LPA: variants seen among roughly 807,000 people sequenced by gnomAD.
LPA encodes lipoprotein(a), also known as apolipoprotein(a).
LPA carries 199 observed loss-of-function variants against 197.9 expected under a neutral mutation model. That is an observed-to-expected ratio of 1.01 (90% CI 0.90 to 1.13). The LOEUF is 1.13. Ranked by LOEUF, LPA falls within the 50% of genes most tolerant of loss-of-function variation. The probability of loss-of-function intolerance (pLI) is 0.00; values close to 1 mark genes in which losing one functional copy is unlikely to be tolerated. For missense variants in LPA, 1,853 were observed against 1,785.8 expected, an observed-to-expected ratio of 1.04 and a Z score of -0.68; for synonymous variants, 715 against 639.5, an observed-to-expected ratio of 1.12 and a Z score of -1.78.
intron 22 of LPA, among the ~76,000 whole-genome samples, chr6:160,593,312 C>G (rs917891238): frequency 2.6e-5 from 4 of 152,188 alleles, no homozygotes; most frequent in African/African-American, 9.6e-5. Context: ...TATGAAAACA[C>G]TTTTCCTATG....
intron 28 of LPA, among the ~76,000 whole-genome samples, chr6:160,571,186 G>T (rs1407172724): frequency 2.0e-5 from 3 of 152,134 alleles, no homozygotes; most frequent in African/African-American, 7.2e-5. Context: ...TATGTGTCAT[G>T]AAGTTCTCGT....
At chr6:160,610,658 C>A (rs1224711204) in intron 16 of LPA, among the ~76,000 whole-genome samples, 1 of 152,298 alleles carries the variant, frequency 6.6e-6, no homozygotes, top group South Asian at 2.1e-4. Flanking sequence ...CCTCCACAAA[C>A]CAGTTCTTAT....
Position 160,578,617 on chromosome 6 carries a change from G to A in LPA, c.4377C>T (p.Tyr1459=). Residue 1459 remains tyrosine (Y), a synonymous_variant, in exon 27 of 39, where the codon TAC becomes TAT. Transcript: ENST00000316300. The part of the protein sequence containing the change: ...YTMDPSVRWE[Y]CNLTRCPVTE... Reference sequence around the variant, plus strand: ...TCACTGGACATCGTGTCAGGTTGCAGTACTCCCACCTGACACTGGGATCCA... The same window carrying A: ...TCACTGGACATCGTGTCAGGTTGCAATACTCCCACCTGACACTGGGATCCA... The A allele has an allele frequency of 6.2e-7, 1 of 1,613,998 alleles. No homozygotes were observed. Among genetic ancestry groups the A allele is most frequent in the Non-Finnish European group, 8.5e-7 (1 of 1,179,922 alleles).
At chr6:160,593,291 G>C (rs1037150214) in intron 22 of LPA, among the ~76,000 whole-genome samples, 3 of 152,128 alleles carry the variant, frequency 2.0e-5, no homozygotes, top group African/African-American at 4.8e-5. Context: ...TGTCATGTCT[G>C]TTGTCCAACC....
rs13191648 is a variant in LPA, at chr6:160,654,013, T to A, written c.50-3516A>T. On this transcript the variant is annotated intron_variant, in intron 1 of 38. Transcript: ENST00000316300. ...AATATATATTATATATAATATATAT[T>A]ATATATAATATATAATATATATTAT... is the stretch of plus-strand genomic sequence containing the variant. 2.2e-3 allele frequency among the ~76,000 whole-genome samples: 43 copies of A among 19,342 alleles called. 4 individuals are homozygous for A. The highest frequency in any genetic ancestry group is 0.033 in the Middle Eastern group (1 of 30). 12.7% of individuals were successfully genotyped at this position (19,342 alleles called of 152,430 possible).
Position 160,664,263 on chromosome 6 carries a change from A to G in LPA, c.-49T>C, listed in dbSNP as rs1853021. The G allele has an allele frequency of 0.86, 1,352,228 of 1,575,796 alleles. 582,072 individuals are homozygous for G. The highest frequency in any genetic ancestry group is 0.97 in the African/African-American group (71,323 of 73,636). ...AGAAAGTGTGTCCCAATCCCAGGACATTGTTGACTTACATGAGAGTAAACG... is the reference window on the plus strand; with the variant it reads ...AGAAAGTGTGTCCCAATCCCAGGACGTTGTTGACTTACATGAGAGTAAACG... On this transcript the variant is annotated 5_prime_UTR_variant, in exon 1 of 39. The change abolishes an upstream ATG in the 5' untranslated region. Coordinates refer to ENST00000316300, the MANE Select transcript of LPA (RefSeq NM_005577.4).
intron 28 of LPA, among the ~76,000 whole-genome samples, chr6:160,567,102 A>G (rs1778471119): frequency 6.6e-6 from 1 of 152,216 alleles, no homozygotes; most frequent in African/African-American, 2.4e-5. Context: ...GAAAGTTAAC[A>G]TGGATATCCA....
intron 21 of LPA, 140 bp downstream of exon 21, chr6:160,595,214 G>A: frequency 2.8e-6 from 3 of 1,056,162 alleles, no homozygotes; most frequent in East Asian, 2.4e-5. Flanking sequence ...GGCGCTGAGT[G>A]TTCCTTCCCA....
chr6:160,584,617 C>T (rs1020540977), intron 26 of LPA, among the ~76,000 whole-genome samples: 4 of 152,096 alleles, frequency 2.6e-5, no homozygotes, highest in Admixed American at 2.0e-4. Flanking sequence ...CAGGCCTGAG[C>T]CACTGCACCC....
chr6:160,606,061 C>T (rs1369335352), intron 17 of LPA, among the ~76,000 whole-genome samples: 3 of 152,106 alleles, frequency 2.0e-5, no homozygotes, highest in South Asian at 2.1e-4. Flanking sequence ...GGGTGACAGG[C>T]TCCAGAGCCA....
chr6:160,554,268 TA>T (rs1404539290), intron 30 of LPA, among the ~76,000 whole-genome samples: 1 of 152,192 alleles, frequency 6.6e-6, no homozygotes, highest in African/African-American at 2.4e-5. Flanking sequence ...GGTCTATTTG[TA>T]TTGACTGGTT....
chr6:160,647,304 G>T (rs1779910266), intron 2 of LPA, among the ~76,000 whole-genome samples: 1 of 152,194 alleles, frequency 6.6e-6, no homozygotes, highest in East Asian at 1.9e-4. Context: ...AGTTTGGGCT[G>T]CGGGGATCTT....
intron 34 of LPA, among the ~76,000 whole-genome samples, chr6:160,541,850 T>A (rs1208906351): frequency 6.6e-6 from 1 of 152,126 alleles, no homozygotes; most frequent in Non-Finnish European, 1.5e-5. Context: ...ATGTGGAAGG[T>A]GAAAGCTCTG....
chr6:160,580,524 A>G (rs1778773703), intron 26 of LPA, among the ~76,000 whole-genome samples: 1 of 152,170 alleles, frequency 6.6e-6, no homozygotes, highest in South Asian at 2.1e-4. Context: ...TTGAACTTCC[A>G]CCAGCATATG....
intron 16 of LPA, 36 bp downstream of exon 16, chr6:160,611,526 C>T (rs755195697): frequency 6.8e-6 from 11 of 1,606,468 alleles, no homozygotes; most frequent in East Asian, 4.5e-5. Flanking sequence ...CTTCAGTTGG[C>T]CCTTTATTCT....
At chr6:160,585,867 G>C (rs1444594112) in intron 25 of LPA, among the ~76,000 whole-genome samples, 1 of 152,088 alleles carries the variant, frequency 6.6e-6, no homozygotes, top group Non-Finnish European at 1.5e-5. Context: ...ATGAGAAGCA[G>C]GGATGAGAAC....
rs1400431215 is a variant in LPA, at chr6:160,580,687, A to G, written c.4290-1983T>C. 3.3e-5 allele frequency among the ~76,000 whole-genome samples: 5 copies of G among 152,058 alleles called. No individual in the cohort carries two copies. In the East Asian group the frequency reaches 7.7e-4, roughly 23 times the overall value. The stretch of plus-strand genomic sequence containing the variant: ...AAGATGTTGTGCACTTTTTCAGGTG[A>G]TTGTTGGCTCTGTGTGCATCTTCTC... On this transcript the variant is annotated intron_variant, in intron 26 of 38. Transcript: ENST00000316300.
chr6:160,552,962 A>G (rs1778190032), intron 30 of LPA, among the ~76,000 whole-genome samples: 1 of 151,914 alleles, frequency 6.6e-6, no homozygotes, highest in African/African-American at 2.4e-5. Flanking sequence ...TCCTCTTACT[A>G]TCCATTCCTC....
intron 1 of LPA, among the ~76,000 whole-genome samples, chr6:160,663,407 C>A (rs1053882359): frequency 2.0e-5 from 3 of 152,258 alleles, no homozygotes; most frequent in African/African-American, 7.2e-5. Flanking sequence ...ACATGATTTT[C>A]CTAAGTCTAG....
Sources: allele counts gnomAD v4.1 joint callset (sites outside exome capture counted in the v4.1 genomes callset), GRCh38; gene constraint gnomAD v4.1.1; transcripts MANE v1.5; gene names NCBI Gene and HGNC (gene_info 2026-07-23, HGNC 2026-07-21).